PHKB: variants seen among roughly 807,000 people sequenced by gnomAD.
PHKB encodes phosphorylase b kinase regulatory subunit beta.
PHKB carries 122 observed loss-of-function variants against 152.1 expected under a neutral mutation model. The observed-to-expected ratio is 0.80, with a 90% CI of 0.69 to 0.93. PHKB has a LOEUF of 0.93. Among genes scored for constraint, PHKB ranks in the 40% least tolerant of loss-of-function variants. The pLI, the probability that PHKB is intolerant of heterozygous loss-of-function variation, is 0.00. For missense variants in PHKB, 1,304 were observed against 1,328.4 expected (o/e 0.98, Z 0.29); for synonymous variants, 436 against 464.9 (o/e 0.94, Z 0.80).
chr16:47,616,710 C>T (rs1015661753), intron 14 of PHKB, among the ~76,000 whole-genome samples: 9 of 149,402 alleles, frequency 6.0e-5, no homozygotes, highest in African/African-American at 2.0e-4. Context: ...CAGACCAGCT[C>T]GGCTGTGTAG....
rs551223829 is a variant in PHKB at position 47,650,891 on chromosome 16, A to T, written c.1941A>T (p.Gly647=). The change falls in exon 20 of 31, where the codon GGA becomes GGT. Residue 647 remains glycine (G), a synonymous_variant. Transcript: ENST00000323584. ...MLAALKKGII[G]GVKVHVDRLQ... is the part of the protein sequence containing the mutation. ...CAGCCCTTAAAAAAGGAATAATTGG[A>T]GGAGTCAAAGTTCATGTGGATCGTC... The T allele has an allele frequency of 3.7e-6, 6 of 1,613,576 alleles. No individual in the cohort carries two copies. The highest frequency in any genetic ancestry group is 5.1e-6 in the Non-Finnish European group (6 of 1,179,520).
At chr16:47,558,293 T>G (rs1971416164) in intron 7 of PHKB, among the ~76,000 whole-genome samples, 2 of 150,818 alleles carry the variant, frequency 1.3e-5, no homozygotes, top group Admixed American at 6.6e-5. Context: ...AATGACGAGT[T>G]AATGGGTGCA....
At chr16:47,551,801 T>A (rs1329494041) in intron 7 of PHKB, among the ~76,000 whole-genome samples, 1 of 152,226 alleles carries the variant, frequency 6.6e-6, no homozygotes, top group Non-Finnish European at 1.5e-5. Context: ...TTGTCTAATA[T>A]TGACAGTCGG....
intron 7 of PHKB, chr16:47,565,604 A>G (rs1242174469): frequency 2.0e-5 from 21 of 1,066,268 alleles, no homozygotes; most frequent in Non-Finnish European, 2.6e-5. Context: ...TCCCTCGTGC[A>G]TTTCTGCCGG....
chr16:47,661,804 A>G lies in PHKB; in HGVS notation c.2278+4A>G, dbSNP rs1973449653. The G allele has an allele frequency of 6.3e-7, 1 of 1,592,010 alleles. No homozygotes were observed. Among genetic ancestry groups the G allele is most frequent in the Non-Finnish European group, 8.6e-7 (1 of 1,159,828 alleles). ...CCCAACTTCATCACAAAGGAAGGTA[A>G]GCATGCATGTCTAGGAGAACATTTT... On this transcript the variant is annotated splice_donor_region_variant and intron_variant, in intron 23 of 30. Coordinates refer to ENST00000323584, the MANE Select transcript of PHKB (RefSeq NM_000293.3).
At chr16:47,476,569 C>T (rs982700825) in intron 1 of PHKB, among the ~76,000 whole-genome samples, 3 of 152,164 alleles carry the variant, frequency 2.0e-5, no homozygotes, top group Non-Finnish European at 2.9e-5. Context: ...TAGAATTTAT[C>T]AGTGCACTCT....
chr16:47,633,926 C>A (rs182384569), intron 14 of PHKB, among the ~76,000 whole-genome samples: 88 of 152,256 alleles, frequency 5.8e-4, no homozygotes, highest in African/African-American at 1.9e-3. Flanking sequence ...CTCCTTTGTG[C>A]AAATCATTGA....
At chr16:47,464,011 C>T (rs1438435525) in intron 1 of PHKB, 1 of 1,426,024 alleles carries the variant, frequency 7.0e-7, no homozygotes, top group East Asian at 2.3e-5. Context: ...TTGTAGACCC[C>T]AAAAGGGTCA....
At chr16:47,663,798 A>C in intron 24 of PHKB, 64 bp downstream of exon 24, 2 of 927,174 alleles carry the variant, frequency 2.2e-6, no homozygotes, top group Non-Finnish European at 3.6e-6. Context: ...TAGCCTAAAG[A>C]AAATGGACCA....
At chr16:47,468,062 G>C (rs531361794) in intron 1 of PHKB, among the ~76,000 whole-genome samples, 1 of 152,204 alleles carries the variant, frequency 6.6e-6, no homozygotes, top group African/African-American at 2.4e-5. Flanking sequence ...AGCTACTCAA[G>C]CTAAAAAGGT....
intron 5 of PHKB, among the ~76,000 whole-genome samples, chr16:47,512,317 G>A (rs1970524583): frequency 6.6e-6 from 1 of 152,166 alleles, no homozygotes; most frequent in Non-Finnish European, 1.5e-5. Context: ...AAATCCGAGT[G>A]AATTCTTGGT....
rs529306310 is a variant in PHKB, at chr16:47,560,684, T to C, written c.710+13136T>C. Among the ~76,000 whole-genome samples the C allele has an allele frequency of 8.3e-4, 127 of 152,284 alleles. 1 individual carries two copies. The highest frequency in any genetic ancestry group is 2.9e-3 in the African/African-American group (121 of 41,564). On this transcript the variant is annotated intron_variant, in intron 7 of 30. Coordinates refer to ENST00000323584, the MANE Select transcript of PHKB (RefSeq NM_000293.3). ...GGAAAGGATAGTTTTCAACAAATAG[T>C]GCTGGGACAGCTGGATGTCCACATA...
At chr16:47,489,516 T>A (rs1970109663) in intron 1 of PHKB, among the ~76,000 whole-genome samples, 1 of 152,246 alleles carries the variant, frequency 6.6e-6, no homozygotes, top group Non-Finnish European at 1.5e-5. Flanking sequence ...TTGGTTTCGA[T>A]GGAACTCTGT....
intron 6 of PHKB, among the ~76,000 whole-genome samples, chr16:47,523,668 T>C (rs1970720830): frequency 6.6e-6 from 1 of 152,260 alleles, no homozygotes; most frequent in African/African-American, 2.4e-5. Flanking sequence ...CAGGAATATG[T>C]TGGAGATTTT....
rs780255088 is a variant in PHKB at position 47,588,885 on chromosome 16, C to T, written c.871-20C>T. Reference sequence around the variant, plus strand: ...ACATCGCTGTGGACACTCACAGTCTCTCTTTCTCATTGCCTCCAGAATACA... The same window carrying T: ...ACATCGCTGTGGACACTCACAGTCTTTCTTTCTCATTGCCTCCAGAATACA... On this transcript the variant is annotated intron_variant, in intron 9 of 30. Coordinates refer to ENST00000323584, the MANE Select transcript of PHKB (RefSeq NM_000293.3). 5 of 1,604,888 alleles carry T rather than the reference C, an allele frequency of 3.1e-6. No individual in the cohort carries two copies. Among genetic ancestry groups the T allele is most frequent in the East Asian group, 2.2e-5 (1 of 44,818 alleles).
chr16:47,606,585 G>A (rs1037010619), intron 13 of PHKB, among the ~76,000 whole-genome samples: 6 of 152,228 alleles, frequency 3.9e-5, no homozygotes, highest in Admixed American at 2.6e-4. Context: ...TTGCACATGT[G>A]TGAGCATAAC....
At position 47,619,850 on chromosome 16, in the gene PHKB, ATT is replaced by A. The variant is rs199728327; in HGVS notation, c.1458+8933_1458+8934del. ...CATATGCATTTTATTGATTTATTGT[ATT>A]TTGCGTTACAGTTGTCCACTAGGTA... On this transcript the variant is annotated intron_variant, in intron 14 of 30. Transcript: ENST00000323584. 9.9e-3 allele frequency among the ~76,000 whole-genome samples: 1,502 copies of A among 152,244 alleles called. 11 individuals carry two copies. The highest frequency in any genetic ancestry group is 0.017 in the Non-Finnish European group (1,141 of 68,008).
At chr16:47,560,506 A>C (rs889551857) in intron 7 of PHKB, among the ~76,000 whole-genome samples, 1 of 152,238 alleles carries the variant, frequency 6.6e-6, no homozygotes, top group Admixed American at 6.5e-5. Context: ...CACACTTTTC[A>C]ATTTCAAAAC....
chr16:47,611,494 G>C (rs1972427168), intron 14 of PHKB, among the ~76,000 whole-genome samples: 1 of 152,142 alleles, frequency 6.6e-6, no homozygotes, highest in Non-Finnish European at 1.5e-5. Flanking sequence ...GTTAAAATGA[G>C]AATGTTGTGG....
Sources: gnomAD v4.1 joint callset for allele counts (sites outside exome capture counted in the v4.1 genomes callset) on GRCh38, gnomAD v4.1.1 for gene constraint, MANE v1.5 for transcripts, NCBI Gene and HGNC (gene_info 2026-07-23, HGNC 2026-07-21) for gene names.